LIN28B: variants seen among roughly 807,000 people sequenced by gnomAD.
The protein encoded by LIN28B is protein lin-28 homolog B.
Under a neutral mutation model 21.9 loss-of-function variants are expected in LIN28B, and 5 were observed. That is an observed-to-expected ratio of 0.23 (90% confidence interval 0.12 to 0.48). The LOEUF is 0.48. Among genes scored for constraint, LIN28B ranks in the 20% least tolerant of loss-of-function variants. LIN28B has a pLI of 0.98. For synonymous variants in LIN28B, 109 were observed against 111.3 expected (o/e 0.98, Z 0.13); for missense variants, 245 against 310.5 (o/e 0.79, Z 1.58).
intron 2 of LIN28B, among the ~76,000 whole-genome samples, chr6:104,970,093 T>G (rs1050774352): frequency 1.3e-5 from 2 of 152,178 alleles, no homozygotes; most frequent in Non-Finnish European, 2.9e-5. Context: ...AGTTAGGTGA[T>G]TTTACCTCAG....
intron 2 of LIN28B, among the ~76,000 whole-genome samples, chr6:105,000,244 A>G (rs1770695072): frequency 6.6e-6 from 1 of 152,114 alleles, no homozygotes; most frequent in African/African-American, 2.4e-5. Context: ...AGCCATGTTT[A>G]AAAAAACAGT....
At chr6:104,971,909 G>A (rs1769991760) in intron 2 of LIN28B, among the ~76,000 whole-genome samples, 1 of 152,040 alleles carries the variant, frequency 6.6e-6, no homozygotes, top group African/African-American at 2.4e-5. Flanking sequence ...CTATTATTAA[G>A]CATTTAAATC....
intron 2 of LIN28B, among the ~76,000 whole-genome samples, chr6:105,013,547 G>C (rs1770965330): frequency 6.6e-6 from 1 of 151,686 alleles, no homozygotes; most frequent in African/African-American, 2.4e-5. Flanking sequence ...AGACCAACCT[G>C]GACAACATGG....
intron 3 of LIN28B, among the ~76,000 whole-genome samples, chr6:105,052,049 G>T (rs185009018): frequency 2.6e-5 from 4 of 152,332 alleles, no homozygotes; most frequent in Non-Finnish European, 5.9e-5. Context: ...CATGAATGAC[G>T]TAAGGGAACA....
intron 3 of LIN28B, among the ~76,000 whole-genome samples, chr6:105,073,023 G>A (rs1772362005): frequency 6.6e-6 from 1 of 152,050 alleles, no homozygotes. Context: ...TTCAGGAGGT[G>A]TACAGGGTAG....
chr6:104,948,298 C>T (rs1441109765), intron 2 of LIN28B, among the ~76,000 whole-genome samples: 2 of 152,202 alleles, frequency 1.3e-5, no homozygotes, highest in South Asian at 2.1e-4. Flanking sequence ...GAAACCCCAT[C>T]TCTACTAAAA....
intron 2 of LIN28B, among the ~76,000 whole-genome samples, chr6:105,025,551 A>G (rs1366135885): frequency 6.6e-6 from 1 of 152,180 alleles, no homozygotes; most frequent in Non-Finnish European, 1.5e-5. Flanking sequence ...CTACCTTTCT[A>G]GAACGGGACT....
At chr6:104,982,066 A>G (rs925263117) in intron 2 of LIN28B, among the ~76,000 whole-genome samples, 4 of 152,072 alleles carry the variant, frequency 2.6e-5, no homozygotes, top group Non-Finnish European at 5.9e-5. Context: ...TGTAATCCCA[A>G]CACTTTGGGA....
At chr6:104,992,023 G>A (rs1770496067) in intron 2 of LIN28B, among the ~76,000 whole-genome samples, 1 of 151,458 alleles carries the variant, frequency 6.6e-6, no homozygotes, top group Non-Finnish European at 1.5e-5. Context: ...GGAGGGGGAG[G>A]GAGAATTTTA....
chr6:105,000,618 G>A (rs2114289278), intron 2 of LIN28B, among the ~76,000 whole-genome samples: 1 of 151,904 alleles, frequency 6.6e-6, no homozygotes, highest in African/African-American at 2.4e-5. Flanking sequence ...TGTTGCACTA[G>A]TGTTTTAATT....
intron 2 of LIN28B, among the ~76,000 whole-genome samples, chr6:105,022,708 A>G (rs1312300929): frequency 1.3e-5 from 2 of 152,090 alleles, no homozygotes; most frequent in Admixed American, 6.6e-5. Context: ...CTTTGGGGAA[A>G]AGGGGTTCTG....
intron 3 of LIN28B, among the ~76,000 whole-genome samples, chr6:105,037,466 TTCTCCTCCCC>T: frequency 6.7e-6 from 1 of 148,762 alleles, no homozygotes; most frequent in Non-Finnish European, 1.5e-5. Flanking sequence ...CTCCCCTCAC[TTCTCCTCCCC>T]TCTCCTCCCC....
At chr6:104,999,945 G>A (rs964759532) in intron 2 of LIN28B, among the ~76,000 whole-genome samples, 4 of 152,162 alleles carry the variant, frequency 2.6e-5, no homozygotes, top group Non-Finnish European at 5.9e-5. Context: ...GCCTCCCAAA[G>A]TGCTGGGATT....
chr6:105,036,057 G>T (rs1394432960), intron 3 of LIN28B, among the ~76,000 whole-genome samples: 1 of 152,100 alleles, frequency 6.6e-6, no homozygotes, highest in Admixed American at 6.6e-5. Context: ...TTTTGAGACT[G>T]CTCTTTTAAA....
At chr6:105,077,471 A>G (rs965151844) in intron 3 of LIN28B, among the ~76,000 whole-genome samples, 20 of 152,132 alleles carry the variant, frequency 1.3e-4, no homozygotes, top group Non-Finnish European at 2.9e-4. Context: ...ATCTGATTGA[A>G]CAAATATACC....
chr6:104,978,541 T>TGAAA (rs1440216591), intron 2 of LIN28B, among the ~76,000 whole-genome samples: 4 of 151,960 alleles, frequency 2.6e-5, no homozygotes, highest in Non-Finnish European at 5.9e-5. Flanking sequence ...GTCCAGTGTC[T>TGAAA]GAAAGGAGTA....
chr6:105,052,189 G>A (rs1275340665), intron 3 of LIN28B, among the ~76,000 whole-genome samples: 1 of 152,196 alleles, frequency 6.6e-6, no homozygotes, highest in Non-Finnish European at 1.5e-5. Context: ...TGAATTGATT[G>A]ATGAGAAGAG....
At chr6:104,989,576 GTTTTTTTT>G (rs34394074) in intron 2 of LIN28B, among the ~76,000 whole-genome samples, 1 of 60,572 alleles carries the variant, frequency 1.7e-5, no homozygotes, top group Non-Finnish European at 3.0e-5. Flanking sequence ...TTTTACTTGG[GTTTTTTTT>G]TTTTTTTTTT....
At chr6:104,978,310 TGTTTAA>T (rs1372964160) in intron 2 of LIN28B, among the ~76,000 whole-genome samples, 1 of 152,216 alleles carries the variant, frequency 6.6e-6, no homozygotes, top group Non-Finnish European at 1.5e-5. Context: ...TTGAACTGGA[TGTTTAA>T]TAAATATTTT....
Sources: gnomAD v4.1 joint callset for allele counts (sites outside exome capture counted in the v4.1 genomes callset) on GRCh38, gnomAD v4.1.1 for gene constraint, MANE v1.5 for transcripts, NCBI Gene and HGNC (gene_info 2026-07-23, HGNC 2026-07-21) for gene names.